FAM53A: variants seen among roughly 807,000 people sequenced by gnomAD.
FAM53A encodes protein FAM53A.
FAM53A carries 28 observed loss-of-function variants against 26.6 expected under a neutral mutation model. The ratio of observed to expected loss-of-function variants is 1.05; its 90% CI spans 0.78 to 1.45. The LOEUF (loss-of-function observed/expected upper bound fraction) is 1.45, where lower values mean the gene tolerates loss of function less well. Among genes scored for constraint, FAM53A ranks in the 40% most tolerant of loss-of-function variants. The pLI, the probability that FAM53A is intolerant of heterozygous loss-of-function variation, is 0.00. For synonymous variants in FAM53A, 290 were observed against 253.1 expected (o/e 1.15, Z -1.38); for missense variants, 650 against 575.8 (o/e 1.13, Z -1.32).
intron 4 of FAM53A, among the ~76,000 whole-genome samples, chr4:1,650,471 T>C (rs1277730061): frequency 6.6e-6 from 1 of 151,874 alleles, no homozygotes; most frequent in East Asian, 1.9e-4. Context: ...GTGGTGGTTT[T>C]TGGTTTTGAT....
chr4:1,636,352 G>A (rs898002445), downstream of FAM53A, among the ~76,000 whole-genome samples: 7 of 152,140 alleles, frequency 4.6e-5, no homozygotes, highest in East Asian at 1.9e-4. Flanking sequence ...CTACTTGACC[G>A]ATTAACCACC....
the FAM53A span, among the ~76,000 whole-genome samples, chr4:1,611,757 G>A: frequency 6.6e-6 from 1 of 152,234 alleles, no homozygotes; most frequent in Non-Finnish European, 1.5e-5. Context: ...CATGCCAAAG[G>A]TTCTCAGCAC....
chr4:1,656,865 T>C (rs1408564728), intron 3 of FAM53A, among the ~76,000 whole-genome samples: 1 of 152,250 alleles, frequency 6.6e-6, no homozygotes, highest in East Asian at 1.9e-4. Context: ...GAGATGCCCC[T>C]GGGACCTTCG....
At chr4:1,613,094 C>T (rs953122463), downstream of FAM53A, among the ~76,000 whole-genome samples, 9 of 152,328 alleles carry the variant, frequency 5.9e-5, no homozygotes, top group South Asian at 6.2e-4. Flanking sequence ...ACAAGCTACT[C>T]GGGAAAACAG....
chr4:1,653,848 G>A (rs1386831778), intron 4 of FAM53A, among the ~76,000 whole-genome samples: 1 of 152,240 alleles, frequency 6.6e-6, no homozygotes, highest in African/African-American at 2.4e-5. Flanking sequence ...CTGCTCTCCA[G>A]CTCTGGGCTG....
chr4:1,584,738 C>A, the FAM53A span, among the ~76,000 whole-genome samples: 1 of 152,222 alleles, frequency 6.6e-6, no homozygotes, highest in Non-Finnish European at 1.5e-5. Flanking sequence ...TTGAGACAGT[C>A]AGACTTTTTA....
the FAM53A span, among the ~76,000 whole-genome samples, chr4:1,598,198 GA>G: frequency 6.6e-6 from 1 of 152,260 alleles, no homozygotes; most frequent in Non-Finnish European, 1.5e-5. Context: ...GTAAGTGGGA[GA>G]AGATTCTGGG....
rs765045155 is a variant in FAM53A, at chr4:1,657,402, G to A, written c.136+6C>T. 1.3e-5 allele frequency: 21 copies of A among 1,612,632 alleles called. No homozygotes were observed. In the South Asian group the frequency reaches 1.9e-4, roughly 14 times the overall value. Reference sequence around the variant, plus strand: ...GGCCTCCGGCCACAGCTCCTAAAGTGCTCACCGTTGAGCTCCAAAGGGAAC... The same window carrying A: ...GGCCTCCGGCCACAGCTCCTAAAGTACTCACCGTTGAGCTCCAAAGGGAAC... On this transcript the variant is annotated splice_donor_region_variant and intron_variant, in intron 3 of 4. Coordinates refer to ENST00000308132, the MANE Select transcript of FAM53A (RefSeq NM_001174070.3).
chr4:1,606,069 C>T, the FAM53A span, among the ~76,000 whole-genome samples: 533 of 144,282 alleles, frequency 3.7e-3, 4 homozygotes, highest in African/African-American at 0.013. Context: ...GATGGAGTCT[C>T]GCTCTGTCGC....
chr4:1,644,169 G>A (rs552555813), intron 4 of FAM53A: 1 of 1,534,090 alleles, frequency 6.5e-7, no homozygotes, highest in Non-Finnish European at 8.7e-7. Flanking sequence ...ACGCACCGGG[G>A]TGGCGGGGAC....
rs182214501 is a variant in FAM53A, at chr4:1,680,260, G to A, written c.-165+3973C>T. Among the ~76,000 whole-genome samples the A allele has an allele frequency of 6.3e-3, 895 of 141,252 alleles. 10 individuals carry two copies. Among genetic ancestry groups the A allele is most frequent in the African/African-American group, 0.022 (839 of 38,328 alleles). 92.7% of individuals were successfully genotyped at this position (141,252 alleles called of 152,430 possible). A position where few individuals can be genotyped will look rare whatever the true frequency, so the allele number is the denominator to read the frequency against. On this transcript the variant is annotated intron_variant, in intron 1 of 4. Coordinates refer to ENST00000308132, the MANE Select transcript of FAM53A (RefSeq NM_001174070.3). ...TTTGAAACCAGGAGGCGGAGGTTTC[G>A]GTGAGCCGAGATCGCACCATTGCAC...
the FAM53A span, among the ~76,000 whole-genome samples, chr4:1,609,775 C>T: frequency 6.6e-6 from 1 of 151,920 alleles, no homozygotes; most frequent in Non-Finnish European, 1.5e-5. Flanking sequence ...CCAGCCTGGC[C>T]AATATGGTGA....
chr4:1,631,579 G>A (rs927760059), intron 1 of FAM53A, among the ~76,000 whole-genome samples: 1 of 152,120 alleles, frequency 6.6e-6, no homozygotes, highest in Non-Finnish European at 1.5e-5. Context: ...CAGAGGGAAG[G>A]TGCCATATCC....
rs1421507695 is a variant in FAM53A, at chr4:1,641,385, C to T, written c.1105G>A (p.Gly369Arg). 20 of 1,611,082 alleles carry T rather than the reference C, an allele frequency of 1.2e-5. No homozygotes were observed. The highest frequency in any genetic ancestry group is 2.7e-5 in the African/African-American group (2 of 74,758). The change falls in exon 5 of 5, where the codon GGG becomes AGG. Residue 369 changes from glycine (G) to arginine (R), a missense_variant. Coordinates refer to ENST00000308132, the MANE Select transcript of FAM53A (RefSeq NM_001174070.3). ...ACACTGTCCCCATCACGGGGGTCCC[C>T]GCTGCTCCTGCGGGAGCCATCACTG... ...VTSDGSRRSS[G>R]DPRDGDSVGE...
chr4:1,613,222 G>C (rs1160992517), downstream of FAM53A, among the ~76,000 whole-genome samples: 1 of 152,226 alleles, frequency 6.6e-6, no homozygotes, highest in African/African-American at 2.4e-5. Context: ...AATTTACAAA[G>C]AACAGAAAGG....
At chr4:1,601,020 C>A in the FAM53A span, among the ~76,000 whole-genome samples, 6 of 152,226 alleles carry the variant, frequency 3.9e-5, no homozygotes, top group African/African-American at 1.2e-4. Flanking sequence ...CAGGCAGACG[C>A]CCCCCAGGGC....
chr4:1,667,876 C>CG (rs1177469842), intron 2 of FAM53A, among the ~76,000 whole-genome samples: 3 of 152,124 alleles, frequency 2.0e-5, no homozygotes, highest in South Asian at 2.1e-4. Context: ...CTAACTAGGG[C>CG]GGGGGGGTCC....
chr4:1,644,184 C>T (rs776151128), intron 4 of FAM53A: 17 of 1,535,676 alleles, frequency 1.1e-5, no homozygotes, highest in East Asian at 7.3e-5. Context: ...GGGGACGCTA[C>T]GCACCTTCAG....
the FAM53A span, among the ~76,000 whole-genome samples, chr4:1,598,462 A>G: frequency 6.6e-6 from 1 of 152,210 alleles, no homozygotes; most frequent in African/African-American, 2.4e-5. Context: ...ATCCCCAAAC[A>G]ATGAGGCTGA....
Sources: allele counts gnomAD v4.1 joint callset (sites outside exome capture counted in the v4.1 genomes callset), GRCh38; gene constraint gnomAD v4.1.1; transcripts MANE v1.5; gene names NCBI Gene and HGNC (gene_info 2026-07-23, HGNC 2026-07-21).